Variants in KIFC3 observed in about 807,000 individuals in gnomAD.
The protein encoded by KIFC3 is kinesin-like protein KIFC3.
Under a neutral mutation model 101.8 loss-of-function variants are expected in KIFC3, and 60 were observed. That is an observed-to-expected ratio of 0.59 (90% CI 0.48 to 0.73). The LOEUF is 0.73. Among genes scored for constraint, KIFC3 ranks in the 30% least tolerant of loss-of-function variants. The pLI is 0.00. For synonymous variants in KIFC3, 476 were observed against 482.7 expected (o/e 0.99, Z 0.18); for missense variants, 966 against 1,137.1 (o/e 0.85, Z 2.16).
chr16:57,781,361 T>G (rs1555614562), intron 3 of KIFC3, among the ~76,000 whole-genome samples: 1 of 152,140 alleles, frequency 6.6e-6, no homozygotes, highest in African/African-American at 2.4e-5. Flanking sequence ...TGTCACATTA[T>G]TGGGAACTTC....
intron 1 of KIFC3, among the ~76,000 whole-genome samples, chr16:57,849,376 G>T (rs940473103): frequency 6.6e-6 from 1 of 152,140 alleles, no homozygotes; most frequent in South Asian, 2.1e-4. Context: ...ACATCAGATC[G>T]ATTGAGACAA....
rs572174056 is a variant in KIFC3 at position 57,815,451 on chromosome 16, C to T, written c.109-17169G>A. 91 of 1,197,748 alleles carry T rather than the reference C, an allele frequency of 7.6e-5. 1 individual carries two copies. The highest frequency in any genetic ancestry group is 6.4e-4 in the Admixed American group (19 of 29,808). The allele number at this position is 1,197,748 out of a possible 1,614,324, so 74.2% of individuals were successfully genotyped here. A position where few individuals can be genotyped will look rare whatever the true frequency, so the allele number is the denominator to read the frequency against. On this transcript the variant is annotated intron_variant, in intron 1 of 2. Coordinates refer to the KIFC3 transcript ENST00000563028. ...TCCCCTCCAAGCATTTTCCAAAGCC[C>T]GAGGGGCTGCTTACAAGACTCTGCC... is the stretch of plus-strand genomic sequence containing the variant.
At chr16:57,847,982 C>T (rs1333877572) in intron 1 of KIFC3, among the ~76,000 whole-genome samples, 1 of 152,130 alleles carries the variant, frequency 6.6e-6, no homozygotes, top group Non-Finnish European at 1.5e-5. Flanking sequence ...GATGGGGTTT[C>T]ACCATGTTGG....
At position 57,761,488 on chromosome 16, in the gene KIFC3, G is replaced by A; in HGVS notation, c.1797C>T (p.Cys599=). The change falls in exon 14 of 20, where the codon TGC becomes TGT. Residue 599 remains cysteine, a synonymous_variant. Transcript: ENST00000445690. The part of the protein sequence containing the change: ...EPQEKLEIRL[C]PDGSGQLYVP... ...CATACAGCTGCCCACTGCCGTCTGG[G>A]CACAGCCGGATCTCCAGTTTTTCCT... The A allele has an allele frequency of 6.2e-7, 1 of 1,613,858 alleles. No homozygotes were observed. The highest frequency in any genetic ancestry group is 1.1e-5 in the South Asian group (1 of 91,084).
At chr16:57,824,685 AG>A (rs1208580615) in intron 1 of KIFC3, among the ~76,000 whole-genome samples, 1 of 152,202 alleles carries the variant, frequency 6.6e-6, no homozygotes, top group Non-Finnish European at 1.5e-5. Flanking sequence ...GCTGTCTCAA[AG>A]AAAAACAAAA....
At chr16:57,855,127 T>C (rs1216622951) in intron 1 of KIFC3, among the ~76,000 whole-genome samples, 33 of 148,018 alleles carry the variant, frequency 2.2e-4, no homozygotes, top group Admixed American at 9.4e-4. Flanking sequence ...TTCTTTTTTT[T>C]TTTTTTTTTT....
At chr16:57,803,311 C>T (rs968364051), upstream of KIFC3, 20 of 687,670 alleles carry the variant, frequency 2.9e-5, no homozygotes, top group Non-Finnish European at 5.1e-5. Flanking sequence ...GGAGGAGCCA[C>T]TCTGTTCTTT....
In KIFC3 at chr16:57,768,727, A is replaced by C. The variant is rs575758504; in HGVS notation, c.1218+868T>G. ...AGAAGAACTATATTCTGTTCCCAAA[A>C]TATATTAGTCTTTGCAAAGCTATCA... On this transcript the variant is annotated intron_variant, in intron 9 of 19. Transcript: ENST00000445690. 1.3e-3 allele frequency among the ~76,000 whole-genome samples: 198 copies of C among 152,334 alleles called. 1 individual carries two copies. The highest frequency in any genetic ancestry group is 4.7e-3 in the African/African-American group (195 of 41,562).
intron 1 of KIFC3, chr16:57,816,409 G>A (rs1386407663): frequency 5.5e-6 from 3 of 542,386 alleles, no homozygotes; most frequent in African/African-American, 3.9e-5. Flanking sequence ...TCACAGGACA[G>A]AAGCTGGGCC....
chr16:57,768,533 A>ACACACACACACACG lies in KIFC3; in HGVS notation c.1218+1061_1218+1062insCGTGTGTGTGTGTG, dbSNP rs782552995. Reference sequence around the variant, plus strand: ...CTCACACACACACACACACACACACACACGCACAATTGGCTTAAGCATGCT... The same window carrying ACACACACACACACG: ...CTCACACACACACACACACACACACACACACACACACACGCACGCACAATTGGCTTAAGCATGCT... On this transcript the variant is annotated intron_variant, in intron 9 of 19. Coordinates refer to ENST00000445690, the MANE Select transcript of KIFC3 (RefSeq NM_001130100.2). Among the ~76,000 whole-genome samples the ACACACACACACACG allele has an allele frequency of 3.2e-4, 48 of 151,690 alleles. No individual in the cohort carries two copies. The South Asian group carries it at 6.1e-3, about 19-fold the overall frequency.
At chr16:57,842,388 AAATC>A (rs1482427711) in intron 1 of KIFC3, among the ~76,000 whole-genome samples, 5 of 152,118 alleles carry the variant, frequency 3.3e-5, no homozygotes, top group African/African-American at 1.2e-4. Flanking sequence ...TGGAGTGAAG[AAATC>A]AATCCATCAA....
chr16:57,854,610 A>G (rs1305402686), intron 1 of KIFC3, among the ~76,000 whole-genome samples: 1 of 149,398 alleles, frequency 6.7e-6, no homozygotes, highest in Non-Finnish European at 1.5e-5. Flanking sequence ...CCTGGGTGAC[A>G]GAGCAAGACT....
chr16:57,783,195 G>A (rs1193997559), intron 3 of KIFC3, among the ~76,000 whole-genome samples: 1 of 152,176 alleles, frequency 6.6e-6, no homozygotes, highest in Non-Finnish European at 1.5e-5. Context: ...AGTCACAAAA[G>A]GTTAGATACT....
chr16:57,830,708 T>C (rs2055564292), intron 1 of KIFC3: 2 of 152,206 alleles, frequency 1.3e-5, no homozygotes, highest in African/African-American at 4.8e-5. Context: ...TAGTGAGAAT[T>C]GGCTGAAATA....
intron 3 of KIFC3, among the ~76,000 whole-genome samples, chr16:57,789,679 G>A (rs2053678554): frequency 6.6e-6 from 1 of 152,170 alleles, no homozygotes; most frequent in South Asian, 2.1e-4. Context: ...GAACCTCTTT[G>A]GCATTTGAAT....
Position 57,836,473 on chromosome 16 carries a change from C to G in KIFC3, c.108+26256G>C, listed in dbSNP as rs536939345. ...GGTGGAGCTAAGAGCATTATTTTCT[C>G]CTGATGAAGAGCTAAGCCTCTGGGC... is the stretch of plus-strand genomic sequence containing the variant. On this transcript the variant is annotated intron_variant, in intron 1 of 2. Transcript: ENST00000563028. Among the ~76,000 whole-genome samples, 15 of 152,138 alleles carry G rather than the reference C, an allele frequency of 9.9e-5. No homozygotes were observed. In the South Asian group the frequency reaches 2.9e-3, roughly 29 times the overall value.
At chr16:57,858,305 G>A (rs1316311314) in intron 1 of KIFC3, among the ~76,000 whole-genome samples, 68 of 152,250 alleles carry the variant, frequency 4.5e-4, no homozygotes, top group Admixed American at 4.3e-3. Context: ...CTTCCCGGGC[G>A]CAGAGCACTT....
At chr16:57,844,308 T>C (rs1372034157) in intron 1 of KIFC3, among the ~76,000 whole-genome samples, 1 of 151,500 alleles carries the variant, frequency 6.6e-6, no homozygotes, top group Non-Finnish European at 1.5e-5. Flanking sequence ...CAGGCGCCTG[T>C]AATCCCAGCT....
Position 57,769,546 on chromosome 16 carries a change from C to T in KIFC3, c.1218+49G>A. The stretch of plus-strand genomic sequence containing the variant: ...GCCCTGAGTGGATGTCGTGCCTCTC[C>T]CAGTGCACCCCCTTAGCCTGGACCC... On this transcript the variant is annotated intron_variant, in intron 9 of 19. Coordinates refer to ENST00000445690, the MANE Select transcript of KIFC3 (RefSeq NM_001130100.2). The surrounding 1 kb of genome is among the most constrained non-coding windows in gnomAD (Gnocchi z 4.3). The T allele has an allele frequency of 6.4e-7, 1 of 1,567,172 alleles. No homozygotes were observed. The highest frequency in any genetic ancestry group is 8.6e-7 in the Non-Finnish European group (1 of 1,157,228).
Sources: gnomAD v4.1 joint callset for allele counts (sites outside exome capture counted in the v4.1 genomes callset) on GRCh38, gnomAD v4.1.1 for gene constraint, Gnocchi (gnomAD v3.1) non-coding constraint, MANE v1.5 for transcripts, NCBI Gene and HGNC (gene_info 2026-07-23, HGNC 2026-07-21) for gene names.